The following KCNMA1 variants were observed in gnomAD, a reference collection of about 807,000 sequenced individuals.
KCNMA1 encodes Calcium-activated potassium channel subunit alpha-1.
KCNMA1 carries 29 observed loss-of-function variants against 140.0 expected under a neutral mutation model. The observed-to-expected ratio is 0.21, with a 90% confidence interval of 0.15 to 0.28. The LOEUF (loss-of-function observed/expected upper bound fraction) is 0.28. KCNMA1 is among the 10% of genes least tolerant of loss of function. The probability of loss-of-function intolerance (pLI) is 1.00; values close to 1 mark genes in which losing one functional copy is unlikely to be tolerated. For synonymous variants in KCNMA1, 612 were observed against 611.9 expected (o/e 1.00, Z 0.00); for missense variants, 880 against 1,602.2 (o/e 0.55, Z 7.70).
At chr10:77,522,475 G>A (rs1197978182) in intron 1 of KCNMA1, among the ~76,000 whole-genome samples, 1 of 152,172 alleles carries the variant, frequency 6.6e-6, no homozygotes, top group East Asian at 1.9e-4. Context: ...TAACTGTCGG[G>A]AACAGCATTT....
At chr10:77,511,610 C>T (rs572277299) in intron 1 of KCNMA1, among the ~76,000 whole-genome samples, 47 of 152,190 alleles carry the variant, frequency 3.1e-4, no homozygotes, top group African/African-American at 9.6e-4. Flanking sequence ...AGAAATAAAG[C>T]AAGCAGGATG....
At chr10:77,354,312 C>T (rs2093261323) in intron 2 of KCNMA1, 1 of 152,274 alleles carries the variant, frequency 6.6e-6, no homozygotes, top group South Asian at 2.1e-4. Flanking sequence ...CTGTCTCCAA[C>T]CACTCAGTCT....
At chr10:77,474,497 G>C (rs2098235587) in intron 1 of KCNMA1, among the ~76,000 whole-genome samples, 3 of 152,192 alleles carry the variant, frequency 2.0e-5, no homozygotes. Flanking sequence ...CTGGCACCTT[G>C]ACCTCAGACT....
At chr10:77,499,288 A>G (rs1226248458) in intron 1 of KCNMA1, among the ~76,000 whole-genome samples, 1 of 152,132 alleles carries the variant, frequency 6.6e-6, no homozygotes, top group East Asian at 1.9e-4. Flanking sequence ...GATGACAGAT[A>G]TAGAGGACAG....
intron 23 of KCNMA1, among the ~76,000 whole-genome samples, chr10:76,922,949 A>G (rs2056408639): frequency 6.6e-6 from 1 of 152,142 alleles, no homozygotes; most frequent in Non-Finnish European, 1.5e-5. Flanking sequence ...GTCTCCAGTG[A>G]CCAGGGACAA....
At chr10:77,410,268 C>T (rs1035995171) in intron 1 of KCNMA1, among the ~76,000 whole-genome samples, 1 of 152,308 alleles carries the variant, frequency 6.6e-6, no homozygotes, top group African/African-American at 2.4e-5. Context: ...CACACCTGCT[C>T]TCACCCGGTT....
At chr10:77,467,740 A>G (rs2098060441) in intron 1 of KCNMA1, among the ~76,000 whole-genome samples, 1 of 151,102 alleles carries the variant, frequency 6.6e-6, no homozygotes, top group Non-Finnish European at 1.5e-5. Context: ...GAGGCACAGC[A>G]GGGCCACTTG....
intron 1 of KCNMA1, among the ~76,000 whole-genome samples, chr10:77,572,868 G>A (rs1394013302): frequency 1.3e-5 from 2 of 151,768 alleles, no homozygotes; most frequent in Admixed American, 6.6e-5. Context: ...AATTGTTTCG[G>A]GTTTTAGGAA....
intron 2 of KCNMA1, among the ~76,000 whole-genome samples, chr10:77,326,013 C>A (rs1008282711): frequency 6.6e-6 from 1 of 152,160 alleles, no homozygotes. Context: ...TCTTCCCCCC[C>A]ATTTCTAAGG....
intron 1 of KCNMA1, among the ~76,000 whole-genome samples, chr10:77,460,186 A>G (rs2097838769): frequency 6.6e-6 from 1 of 152,220 alleles, no homozygotes; most frequent in Non-Finnish European, 1.5e-5. Context: ...TTCCTGCTCT[A>G]CAGTGAGTGC....
chr10:77,622,916 C>T (rs990634396), intron 1 of KCNMA1, among the ~76,000 whole-genome samples: 3 of 152,174 alleles, frequency 2.0e-5, no homozygotes, highest in African/African-American at 7.2e-5. Flanking sequence ...CAGTGATAGA[C>T]AGGCTATCTT....
At chr10:77,259,597 A>G (rs2061530397) in intron 2 of KCNMA1, among the ~76,000 whole-genome samples, 1 of 152,156 alleles carries the variant, frequency 6.6e-6, no homozygotes, top group South Asian at 2.1e-4. Flanking sequence ...GACTCCAGGA[A>G]TCTAACTTGC....
At chr10:77,561,745 C>T (rs2066475848) in intron 1 of KCNMA1, among the ~76,000 whole-genome samples, 1 of 152,164 alleles carries the variant, frequency 6.6e-6, no homozygotes, top group South Asian at 2.1e-4. Flanking sequence ...ATTTTAGGGG[C>T]TGCTTCAAGG....
Position 77,486,511 on chromosome 10 carries a change from C to G in KCNMA1, c.379-82488G>C, listed in dbSNP as rs964018803. On this transcript the variant is annotated intron_variant, in intron 1 of 27. Transcript: ENST00000286628. The stretch of plus-strand genomic sequence containing the variant: ...CACTTTGAAATTGTGGCTGAGAGCA[C>G]AAGCTCTATAAATATTGGCTGTTCT... Among the ~76,000 whole-genome samples the G allele has an allele frequency of 2.0e-5, 3 of 152,360 alleles. No homozygotes were observed. The South Asian group carries it at 6.2e-4, about 32-fold the overall frequency.
chr10:76,920,255 T>C (rs1447867436), intron 23 of KCNMA1, among the ~76,000 whole-genome samples: 2 of 150,820 alleles, frequency 1.3e-5, no homozygotes, highest in Admixed American at 6.6e-5. Context: ...TAATTGAGAA[T>C]GAAGAAGAGA....
intron 1 of KCNMA1, among the ~76,000 whole-genome samples, chr10:77,471,870 T>C (rs2098164028): frequency 6.6e-6 from 1 of 150,976 alleles, no homozygotes; most frequent in Non-Finnish European, 1.5e-5. Flanking sequence ...ACATCACACA[T>C]ATATACACAC....
At chr10:77,311,520 T>G (rs1054329935) in intron 2 of KCNMA1, among the ~76,000 whole-genome samples, 5 of 152,162 alleles carry the variant, frequency 3.3e-5, no homozygotes, top group African/African-American at 4.8e-5. Flanking sequence ...CCCCACATGT[T>G]GATGGTTACA....
At position 77,125,686 on chromosome 10, in the gene KCNMA1, C is replaced by A. The variant is rs1289720264; in HGVS notation, c.809-4638G>T. On this transcript the variant is annotated intron_variant, in intron 5 of 27. Transcript: ENST00000286628. ...TCTGCCTTCCTCTCTTTAGCATCAG[C>A]TCTATGAGGGGAGGAGCTGATGTCT... Among the ~76,000 whole-genome samples, 3 of 152,220 alleles carry A rather than the reference C, an allele frequency of 2.0e-5. No homozygotes were observed. In the South Asian group the frequency reaches 6.2e-4, roughly 32 times the overall value.
chr10:77,079,642 C>A, intron 12 of KCNMA1, 92 bp from the exon 13 acceptor site: 1 of 884,940 alleles, frequency 1.1e-6, no homozygotes, highest in South Asian at 1.3e-5. Context: ...ATGGGGTACC[C>A]ATGGGACTGA....
Sources: gnomAD v4.1 joint callset for allele counts (sites outside exome capture counted in the v4.1 genomes callset) on GRCh38, gnomAD v4.1.1 for gene constraint, MANE v1.5 for transcripts, NCBI Gene and HGNC (gene_info 2026-07-23, HGNC 2026-07-21) for gene names.